ZNF69: variants seen among roughly 807,000 people sequenced by gnomAD.
ZNF69 encodes zinc finger protein 69.
A neutral mutation model predicts 50.9 loss-of-function variants in ZNF69; 47 were observed. The ratio of observed to expected loss-of-function variants is 0.92; its 90% CI spans 0.73 to 1.18. The LOEUF (loss-of-function observed/expected upper bound fraction) is 1.18. Among genes scored for constraint, ZNF69 ranks in the 50% most tolerant of loss-of-function variants. The probability of loss-of-function intolerance (pLI) is 0.00; values close to 1 mark genes in which losing one functional copy is unlikely to be tolerated. For synonymous variants in ZNF69, 216 were observed against 223.1 expected (o/e 0.97, Z 0.29); for missense variants, 717 against 675.1 (o/e 1.06, Z -0.69).
the ZNF69 span, among the ~76,000 whole-genome samples, chr19:11,937,366 C>T: frequency 4.6e-5 from 7 of 152,068 alleles, no homozygotes; most frequent in East Asian, 3.9e-4. Flanking sequence ...ATTACAGAGA[C>T]GGGGTCTCCC....
chr19:11,968,883 G>A, the ZNF69 span, among the ~76,000 whole-genome samples: 27,745 of 151,988 alleles, frequency 0.18, 5,490 homozygotes, highest in African/African-American at 0.5. Context: ...AATTTAAAAA[G>A]ACAGTGACAA....
chr19:11,958,706 A>G, the ZNF69 span, among the ~76,000 whole-genome samples: 1 of 152,128 alleles, frequency 6.6e-6, no homozygotes, highest in East Asian at 1.9e-4. Context: ...CCACAGTCCA[A>G]GTGGTTCCTA....
At chr19:11,948,645 A>G in the ZNF69 span, 26 of 1,611,422 alleles carry the variant, frequency 1.6e-5, no homozygotes, top group African/African-American at 2.9e-4. Context: ...TTTTCCATTC[A>G]AGCATTCGAA....
the ZNF69 span, among the ~76,000 whole-genome samples, chr19:11,955,420 G>A: frequency 3.5e-5 from 5 of 141,974 alleles, no homozygotes; most frequent in African/African-American, 1.3e-4. Context: ...TTGAGACAAG[G>A]TCTGGCTCTG....
downstream of ZNF69, among the ~76,000 whole-genome samples, chr19:11,915,904 CA>C (rs1389832359): frequency 1.3e-5 from 2 of 151,184 alleles, no homozygotes; most frequent in Non-Finnish European, 3.0e-5. Context: ...ACTCTGTCTC[CA>C]AAAAAGAAAA....
At chr19:11,904,580 A>C (rs1972319966) in intron 3 of ZNF69, 69 bp from the exon 4 acceptor site, 1 of 1,560,850 alleles carries the variant, frequency 6.4e-7, no homozygotes, top group African/African-American at 1.4e-5. Context: ...ATGCAAGTTC[A>C]GTACTTGTTG....
chr19:11,939,070 G>T, the ZNF69 span, among the ~76,000 whole-genome samples: 12 of 152,092 alleles, frequency 7.9e-5, no homozygotes, highest in African/African-American at 4.8e-5. Flanking sequence ...TTTTGATGGG[G>T]TTGTTTGATT....
chr19:11,888,576 C>T (rs1389063761), intron 1 of ZNF69, among the ~76,000 whole-genome samples: 1 of 152,092 alleles, frequency 6.6e-6, no homozygotes, highest in Non-Finnish European at 1.5e-5. Context: ...GGTCCCGAGG[C>T]GGCTCAAGAC....
chr19:11,898,688 A>G (rs1164632228), intron 1 of ZNF69, among the ~76,000 whole-genome samples: 2 of 151,956 alleles, frequency 1.3e-5, no homozygotes, highest in African/African-American at 4.8e-5. Context: ...CACGCCCAGC[A>G]TAGTTTCCAC....
chr19:11,970,246 C>A, the ZNF69 span, among the ~76,000 whole-genome samples: 3 of 152,238 alleles, frequency 2.0e-5, no homozygotes, highest in Non-Finnish European at 2.9e-5. Context: ...AGAGAAATAT[C>A]CCAAAAGACA....
chr19:11,913,112 G>A (rs1019955544), intron 4 of ZNF69, among the ~76,000 whole-genome samples: 2 of 151,838 alleles, frequency 1.3e-5, no homozygotes, highest in Non-Finnish European at 2.9e-5. Context: ...CAGGAGAATG[G>A]CATGAATCCA....
the ZNF69 span, chr19:11,946,991 A>T: frequency 2.1e-5 from 23 of 1,095,812 alleles, no homozygotes; most frequent in Admixed American, 3.6e-5. Flanking sequence ...TCTGTCTCAA[A>T]AAATAAATAA....
At chr19:11,978,745 A>G in the ZNF69 span, 34 of 1,614,056 alleles carry the variant, frequency 2.1e-5, no homozygotes, top group Non-Finnish European at 2.9e-5. Flanking sequence ...TTTCAAGCAC[A>G]TAAAAGAACC....
chr19:11,968,877 T>A, the ZNF69 span, among the ~76,000 whole-genome samples: 173 of 152,220 alleles, frequency 1.1e-3, 1 homozygote, highest in African/African-American at 3.9e-3. Context: ...ATATTAAATT[T>A]AAAAAGACAG....
the ZNF69 span, among the ~76,000 whole-genome samples, chr19:11,936,418 T>G: frequency 6.6e-6 from 1 of 152,236 alleles, no homozygotes; most frequent in Non-Finnish European, 1.5e-5. Flanking sequence ...TGGTTTTGAT[T>G]TGCATTTCTC....
chr19:11,948,022 A>G, the ZNF69 span, among the ~76,000 whole-genome samples: 1 of 152,234 alleles, frequency 6.6e-6, no homozygotes, highest in Admixed American at 6.5e-5. Flanking sequence ...AAGAAAAATG[A>G]CATACAGTAT....
At chr19:11,979,055 A>C in the ZNF69 span, 1 of 1,614,142 alleles carries the variant, frequency 6.2e-7, no homozygotes, top group South Asian at 1.1e-5. Flanking sequence ...GGAAAGCATT[A>C]TCTTATAAGT....
chr19:11,956,364 T>A, the ZNF69 span: 2 of 383,106 alleles, frequency 5.2e-6, no homozygotes, highest in African/African-American at 4.1e-5. Flanking sequence ...TCAATATGTT[T>A]ATTGAGTGAA....
Position 11,887,959 on chromosome 19 carries a change from C to T in ZNF69, c.36C>T (p.Asp12=). The T allele has an allele frequency of 6.2e-7, 1 of 1,612,718 alleles. No individual in the cohort carries two copies. The highest frequency in any genetic ancestry group is 1.3e-5 in the African/African-American group (1 of 74,996). ...GTAGTCACAGGAGGTGTAGAGAGGA[C>T]CCCGGGACATCTGAAAGCCAGGAAA... ...PCCSHRRCRE[D]PGTSESQEMD... The change falls in exon 1 of 4, where the codon GAC becomes GAT. Residue 12 remains aspartate, a synonymous_variant. Transcript: ENST00000429654.
Sources: allele counts gnomAD v4.1 joint callset (sites outside exome capture counted in the v4.1 genomes callset), GRCh38; gene constraint gnomAD v4.1.1; transcripts MANE v1.5; gene names NCBI Gene and HGNC (gene_info 2026-07-23, HGNC 2026-07-21).